The following SOX6 variants were observed in gnomAD, a reference collection of about 807,000 sequenced individuals.
The protein encoded by SOX6 is transcription factor SOX-6.
In SOX6, 11 loss-of-function variants were observed where a neutral mutation model predicts 97.8. The ratio of observed to expected loss-of-function variants is 0.11; its 90% CI spans 0.07 to 0.19. SOX6 has a LOEUF of 0.19. SOX6 is among the 10% of genes least tolerant of loss of function. The pLI is 1.00. For missense variants in SOX6, 810 were observed against 1,039.5 expected (o/e 0.78, Z 3.04); for synonymous variants, 360 against 371.4 (o/e 0.97, Z 0.35).
chr11:16,450,079 A>T (rs1859690730), intron 1 of SOX6, among the ~76,000 whole-genome samples: 1 of 152,204 alleles, frequency 6.6e-6, no homozygotes, highest in African/African-American at 2.4e-5. Flanking sequence ...TAACTTTCAG[A>T]ACCTTACTTA....
intron 3 of SOX6, among the ~76,000 whole-genome samples, chr11:16,674,733 C>T (rs886937182): frequency 6.6e-6 from 1 of 152,118 alleles, no homozygotes; most frequent in Non-Finnish European, 1.5e-5. Flanking sequence ...GGCAGATCAC[C>T]TGAGGCCAGG....
chr11:16,491,925 A>G (rs1268335007), intron 4 of SOX6, among the ~76,000 whole-genome samples: 2 of 152,194 alleles, frequency 1.3e-5, no homozygotes, highest in Admixed American at 6.5e-5. Context: ...TAGGGGTTCT[A>G]TGGAAGGCCT....
intron 3 of SOX6, among the ~76,000 whole-genome samples, chr11:16,249,937 T>C (rs1032166326): frequency 6.6e-6 from 1 of 152,242 alleles, no homozygotes; most frequent in Non-Finnish European, 1.5e-5. Context: ...AAAAGGCTGT[T>C]GTCTCAGAAA....
intron 1 of SOX6, among the ~76,000 whole-genome samples, chr11:16,429,137 G>C (rs2133074251): frequency 6.6e-6 from 1 of 152,188 alleles, no homozygotes; most frequent in Non-Finnish European, 1.5e-5. Context: ...ACCATCTCAG[G>C]CCAGTCAGAA....
intron 3 of SOX6, among the ~76,000 whole-genome samples, chr11:16,285,934 T>G (rs1022454114): frequency 6.6e-6 from 1 of 152,150 alleles, no homozygotes; most frequent in African/African-American, 2.4e-5. Flanking sequence ...TTGTTAGAAT[T>G]TCCCAAGAGA....
At chr11:16,037,379 A>C (rs1855546516) in intron 12 of SOX6, among the ~76,000 whole-genome samples, 1 of 152,104 alleles carries the variant, frequency 6.6e-6, no homozygotes, top group African/African-American at 2.4e-5. Flanking sequence ...TTGTCTTTCC[A>C]CTGGAAAAGC....
chr11:16,069,818 T>C (rs1848181066), intron 9 of SOX6, among the ~76,000 whole-genome samples: 1 of 152,144 alleles, frequency 6.6e-6, no homozygotes, highest in African/African-American at 2.4e-5. Context: ...ACCCATTTGA[T>C]TCATTCATTA....
intron 4 of SOX6, among the ~76,000 whole-genome samples, chr11:16,527,173 A>G (rs1217836012): frequency 7.6e-5 from 11 of 144,128 alleles, no homozygotes; most frequent in African/African-American, 2.0e-4. Flanking sequence ...CTGAAGAGGG[A>G]AAAAAAAATC....
At chr11:16,191,262 A>G (rs747136395) in intron 4 of SOX6, among the ~76,000 whole-genome samples, 43 of 152,092 alleles carry the variant, frequency 2.8e-4, no homozygotes, top group Non-Finnish European at 5.0e-4. Flanking sequence ...TGAGAACTAC[A>G]TGGGCAACAT....
intron 6 of SOX6, among the ~76,000 whole-genome samples, chr11:16,148,945 T>C (rs1466535230): frequency 6.6e-6 from 1 of 152,178 alleles, no homozygotes; most frequent in Non-Finnish European, 1.5e-5. Context: ...TACTTTTACA[T>C]AGTTTTACCA....
intron 6 of SOX6, among the ~76,000 whole-genome samples, chr11:16,143,620 A>AGACACACAT (rs1168191061): frequency 6.6e-6 from 1 of 152,202 alleles, no homozygotes; most frequent in Non-Finnish European, 1.5e-5. Context: ...TCACGTGCAG[A>AGACACACAT]GACACACATA....
intron 1 of SOX6, among the ~76,000 whole-genome samples, chr11:16,471,439 T>C (rs530733671): frequency 7.0e-6 from 1 of 143,626 alleles, no homozygotes; most frequent in East Asian, 2.6e-4. Context: ...ATATCCCACC[T>C]TCCTTATCTC....
intron 1 of SOX6, among the ~76,000 whole-genome samples, chr11:16,399,261 G>C (rs568709883): frequency 6.6e-6 from 1 of 151,168 alleles, no homozygotes; most frequent in Non-Finnish European, 1.5e-5. Context: ...GATTACTGTA[G>C]CTATATAAAT....
chr11:16,330,371 T>C (rs1301349070), intron 2 of SOX6, among the ~76,000 whole-genome samples: 1 of 152,054 alleles, frequency 6.6e-6, no homozygotes, highest in African/African-American at 2.4e-5. Context: ...CTGGCCAACA[T>C]GGTGAAACCC....
rs78301167 is a variant in SOX6 at position 16,489,850 on chromosome 11, G to C, written n.610-13462C>G. On this transcript the variant is annotated intron_variant and non_coding_transcript_variant, in intron 4 of 5. Transcript: ENST00000524520. ...AGTCTAGTATACTGAGAAAGTGAAG[G>C]CTAGGAGGCAGATCTAGCTTCAAAC... 7.7e-3 allele frequency among the ~76,000 whole-genome samples: 1,166 copies of C among 152,138 alleles called. 15 individuals are homozygous for C. The highest frequency in any genetic ancestry group is 0.025 in the African/African-American group (1,050 of 41,540).
chr11:16,683,630 C>T (rs1214594892), intron 3 of SOX6, among the ~76,000 whole-genome samples: 6 of 150,984 alleles, frequency 4.0e-5, no homozygotes, highest in African/African-American at 7.4e-5. Context: ...ACCATAAAAA[C>T]CCTAGAAGAA....
chr11:16,338,722 A>G (rs1252769989), intron 2 of SOX6, among the ~76,000 whole-genome samples: 1 of 152,078 alleles, frequency 6.6e-6, no homozygotes, highest in Non-Finnish European at 1.5e-5. Context: ...GTTTGAAAAC[A>G]TGTCTAGCAA....
chr11:16,016,439 T>G (rs1412234763), intron 12 of SOX6, among the ~76,000 whole-genome samples: 1 of 152,014 alleles, frequency 6.6e-6, no homozygotes, highest in Non-Finnish European at 1.5e-5. Flanking sequence ...ACTCACTAGT[T>G]TAAATAGCAG....
chr11:16,102,091 T>C (rs1848962394), intron 7 of SOX6, among the ~76,000 whole-genome samples: 1 of 151,864 alleles, frequency 6.6e-6, no homozygotes, highest in Admixed American at 6.6e-5. Context: ...AGTCAAAGTG[T>C]CGCTGTTTGC....
Sources: gnomAD v4.1 joint callset for allele counts (sites outside exome capture counted in the v4.1 genomes callset) on GRCh38, gnomAD v4.1.1 for gene constraint, MANE v1.5 for transcripts, NCBI Gene and HGNC (gene_info 2026-07-23, HGNC 2026-07-21) for gene names.